Variants in NCAN observed in about 807,000 individuals in gnomAD.
NCAN encodes neurocan.
A neutral mutation model predicts 121.8 loss-of-function variants in NCAN; 47 were observed. That is an observed-to-expected ratio of 0.39 (90% CI 0.31 to 0.49). NCAN has a LOEUF of 0.49. Among genes scored for constraint, NCAN ranks in the 20% least tolerant of loss-of-function variants. NCAN has a pLI of 0.92. For synonymous variants in NCAN, 633 were observed against 702.0 expected (o/e 0.90, Z 1.55); for missense variants, 1,517 against 1,773.4 (o/e 0.86, Z 2.60).
At chr19:19,231,295 G>A (rs1048637402) in intron 8 of NCAN, among the ~76,000 whole-genome samples, 2 of 151,854 alleles carry the variant, frequency 1.3e-5, no homozygotes, top group South Asian at 4.2e-4. Flanking sequence ...TGTCAAGGCT[G>A]GGGTTTGAAT....
Position 19,226,957 on chromosome 19 carries a change from C to A in NCAN, c.1544C>A (p.Ala515Asp). ...AGCGCCCAGCCCCCCACCTCAGAGGCTGCAGTGAACCAAATGGAGCCTCCG... is the reference window on the plus strand; with the variant it reads ...AGCGCCCAGCCCCCCACCTCAGAGGATGCAGTGAACCAAATGGAGCCTCCG... ...EASAQPPTSE[A>D]AVNQMEPPLA... Residue 515 changes from alanine to aspartate, a missense_variant, in exon 7 of 15, where the codon GCT becomes GAT. Ala to Asp is a moderately radical substitution (Grantham distance 126). Coordinates refer to ENST00000252575, the MANE Select transcript of NCAN (RefSeq NM_004386.3). 1.3e-6 allele frequency: 2 copies of A among 1,555,742 alleles called. No homozygotes were observed. The highest frequency in any genetic ancestry group is 8.7e-7 in the Non-Finnish European group (1 of 1,152,412).
chr19:19,245,785 AT>A (rs111384721), intron 13 of NCAN, among the ~76,000 whole-genome samples: 26,695 of 146,530 alleles, frequency 0.18, 3,145 homozygotes, highest in South Asian at 0.35. Flanking sequence ...GCCTTGATTC[AT>A]TTTTTTTTTT....
intron 8 of NCAN, among the ~76,000 whole-genome samples, chr19:19,230,405 T>TTA (rs1027907860): frequency 1.4e-5 from 2 of 145,236 alleles, no homozygotes; most frequent in Non-Finnish European, 3.0e-5. Context: ...ACCCCCAAAT[T>TTA]TTTTTTTTTT....
At chr19:19,240,514 C>A in intron 11 of NCAN, 89 bp from the exon 12 acceptor site, 1 of 1,311,870 alleles carries the variant, frequency 7.6e-7, no homozygotes, top group Non-Finnish European at 1.1e-6. Context: ...TCTTTCCTCC[C>A]ACACCCTACC....
At chr19:19,238,100 C>A (rs985555066) in intron 10 of NCAN, among the ~76,000 whole-genome samples, 153 bp from the exon 11 acceptor site, 2 of 152,026 alleles carry the variant, frequency 1.3e-5, no homozygotes, top group African/African-American at 4.8e-5. Context: ...GAGAGCAGAG[C>A]CTCAGGAGGA....
chr19:19,231,040 C>T (rs528811423), intron 8 of NCAN, among the ~76,000 whole-genome samples: 5 of 151,982 alleles, frequency 3.3e-5, no homozygotes, highest in African/African-American at 1.2e-4. Context: ...GCCGTAGCGC[C>T]GGGCAGTTCT....
At chr19:19,230,233 C>T (rs980373267) in intron 8 of NCAN, among the ~76,000 whole-genome samples, 17 of 151,816 alleles carry the variant, frequency 1.1e-4, no homozygotes, top group African/African-American at 4.8e-5. Flanking sequence ...TTAGTAGAGA[C>T]AAGGCTTCAC....
chr19:19,231,534 G>A (rs532772162), intron 8 of NCAN, among the ~76,000 whole-genome samples: 1 of 152,068 alleles, frequency 6.6e-6, no homozygotes, highest in East Asian at 2.0e-4. Flanking sequence ...TCACCATGTT[G>A]ACCAGGTTGG....
intron 12 of NCAN, among the ~76,000 whole-genome samples, chr19:19,244,761 T>C (rs2060918241): frequency 6.8e-6 from 1 of 147,268 alleles, no homozygotes; most frequent in African/African-American, 2.5e-5. Flanking sequence ...AGAGTCTCGG[T>C]CTTGTCACCC....
In NCAN at chr19:19,224,352, A is replaced by C; in HGVS notation, c.697A>C (p.Ser233Arg). 3 of 1,614,070 alleles carry C rather than the reference A, an allele frequency of 1.9e-6. No homozygotes were observed. The South Asian group carries it at 3.3e-5, about 18-fold the overall frequency. ...TCCTGGTTGCTATGGCGACCGTAGC[A>C]GCCTTCCAGGGGTTCGGAGCTATGG... Reference protein sequence around the residue: ...SRPGCYGDRSSLPGVRSYGRR... With the variant: ...SRPGCYGDRSRLPGVRSYGRR... The change falls in exon 5 of 15, where the codon AGC (serine) becomes CGC (arginine). Residue 233 changes from serine to arginine, a missense_variant. Transcript: ENST00000252575.
chr19:19,228,345 G>A lies in NCAN; in HGVS notation c.2725G>A (p.Gly909Arg), dbSNP rs1244897697. 1.2e-6 allele frequency: 2 copies of A among 1,613,756 alleles called. No homozygotes were observed. Among genetic ancestry groups the A allele is most frequent in the African/African-American group, 2.7e-5 (2 of 74,884 alleles). The change falls in exon 8 of 15, where the codon GGA (glycine) becomes AGA (arginine). Residue 909 changes from glycine to arginine, a missense_variant. Gly to Arg is a moderately radical substitution (Grantham distance 125, BLOSUM62 -2). Transcript: ENST00000252575. ...GCCAGAGGATCAGGTGGAGACCCAG[G>A]GAACATCAGGAGCTTCAGTGCCTCC... ...PEPEDQVETQ[G>R]TSGASVPPHQ...
At chr19:19,224,489 T>C (rs548822989) in intron 5 of NCAN, 56 bp downstream of exon 5, 1 of 1,583,884 alleles carries the variant, frequency 6.3e-7, no homozygotes, top group African/African-American at 1.3e-5. Flanking sequence ...GTATCTATTA[T>C]TCTCCCCAAC....
rs765046640 is a variant in NCAN, at chr19:19,227,885, G to A, written c.2265G>A (p.Gly755=). The A allele has an allele frequency of 5.6e-6, 9 of 1,613,594 alleles. No individual in the cohort carries two copies. The highest frequency in any genetic ancestry group is 5.3e-5 in the African/African-American group (4 of 74,922). The change falls in exon 8 of 15, where the codon GGG becomes GGA. Residue 755 remains glycine (G), a synonymous_variant. Coordinates refer to ENST00000252575, the MANE Select transcript of NCAN (RefSeq NM_004386.3). The surrounding 1 kb of genome is among the most constrained non-coding windows in gnomAD (Gnocchi z 4.2). ...CAACGGGCCTCAGGGGTATCCCGGG[G>A]TCTGAGTCTGGGGTCTTCGACACAG... is the stretch of plus-strand genomic sequence containing the variant. ...TEPTGLRGIP[G]SESGVFDTAE... is the part of the protein sequence containing the mutation.
intron 1 of NCAN, 141 bp from the exon 2 acceptor site, chr19:19,216,806 C>T (rs2060797744): frequency 2.1e-6 from 1 of 466,512 alleles, no homozygotes; most frequent in Non-Finnish European, 3.8e-6. Flanking sequence ...CTGGCTCCTT[C>T]TGTGACCTAG....
chr19:19,240,543 G>A, intron 11 of NCAN, 60 bp from the exon 12 acceptor site: 2 of 1,562,692 alleles, frequency 1.3e-6, no homozygotes, highest in South Asian at 2.2e-5. Flanking sequence ...CCTGCAGCCT[G>A]TGCCCTGGGC....
chr19:19,226,446 C>T (rs369240961), intron 6 of NCAN, 40 bp from the exon 7 acceptor site: 11 of 1,473,150 alleles, frequency 7.5e-6, no homozygotes, highest in African/African-American at 2.8e-5. Context: ...TCCCAGGCAA[C>T]CCCTGGGCCT....
At chr19:19,215,251 T>C (rs552562347) in intron 1 of NCAN, among the ~76,000 whole-genome samples, 11 of 152,262 alleles carry the variant, frequency 7.2e-5, no homozygotes, top group African/African-American at 2.6e-4. Context: ...TTCACACCCC[T>C]TCCTCAGGGA....
chr19:19,225,437 G>A lies in NCAN; in HGVS notation c.1072+167G>A, dbSNP rs1241186341. 6.6e-6 allele frequency among the ~76,000 whole-genome samples: 1 copy of A among 152,202 alleles called. No homozygotes were observed. Among genetic ancestry groups the A allele is most frequent in the Non-Finnish European group, 1.5e-5 (1 of 68,040 alleles). ...CCCGGGTGAAGGCCACACCCGTTAC[G>A]ACAAGTCTTTCCCTAGGAGCCCCGT... On this transcript the variant is annotated intron_variant, in intron 6 of 14. Coordinates refer to ENST00000252575, the MANE Select transcript of NCAN (RefSeq NM_004386.3). The surrounding 1 kb of genome is among the most constrained non-coding windows in gnomAD (Gnocchi z 4.0).
In NCAN at chr19:19,227,388, G is replaced by C; in HGVS notation, c.1768G>C (p.Ala590Pro). Residue 590 changes from alanine to proline, a missense_variant, in exon 8 of 15, where the codon GCC (alanine) becomes CCC (proline). Transcript: ENST00000252575. This position sits in a 1 kb window ranked among gnomAD's most constrained non-coding sequence, Gnocchi z 4.2. ...SRAPVLELEKAEGPSARPATP... is the reference protein window; with the variant it reads ...SRAPVLELEKPEGPSARPATP... ...GGCCCCTGTCCTGGAGCTAGAGAAA[G>C]CCGAGGGCCCCAGTGCCAGGCCAGC... 1.2e-6 allele frequency: 2 copies of C among 1,613,620 alleles called. No homozygotes were observed. Among genetic ancestry groups the C allele is most frequent in the South Asian group, 1.1e-5 (1 of 91,084 alleles).
Sources: allele counts gnomAD v4.1 joint callset (sites outside exome capture counted in the v4.1 genomes callset), GRCh38; gene constraint gnomAD v4.1.1; non-coding constraint Gnocchi (gnomAD v3.1); transcripts MANE v1.5; gene names NCBI Gene and HGNC (gene_info 2026-07-23, HGNC 2026-07-21).